The following ZBTB41 variants were observed in gnomAD, a reference collection of about 807,000 sequenced individuals.
The protein encoded by ZBTB41 is zinc finger and BTB domain-containing protein 41.
A neutral mutation model predicts 87.6 loss-of-function variants in ZBTB41; 42 were observed. The ratio of observed to expected loss-of-function variants is 0.48; its 90% CI spans 0.37 to 0.62. The LOEUF (loss-of-function observed/expected upper bound fraction) is 0.62. ZBTB41 is among the 20% of genes least tolerant of loss of function. The pLI, the probability that ZBTB41 is intolerant of heterozygous loss-of-function variation, is 0.00. For missense variants in ZBTB41, 799 were observed against 1,078.9 expected (o/e 0.74, Z 3.63); for synonymous variants, 364 against 364.0 (o/e 1.00, Z 0.00).
Position 197,188,343 on chromosome 1 carries a change from G to A in ZBTB41, c.1495C>T (p.His499Tyr), listed in dbSNP as rs1434246311. The change falls in exon 5 of 11, where the codon CAT (histidine) becomes TAT (tyrosine). Residue 499 changes from histidine (H) to tyrosine (Y), a missense_variant. His to Tyr is a moderately conservative substitution (Grantham distance 83). Coordinates refer to ENST00000367405, the MANE Select transcript of ZBTB41 (RefSeq NM_194314.3). ...AACCGAGCAAACCGTGATTTAAAAT[G>A]TTCTTCACAATAGGTACACTTAAAA... The part of the protein sequence containing the change: ...KPFKCTYCEE[H>Y]FKSRFARLKH... 1 of 1,613,782 alleles carries A rather than the reference G, an allele frequency of 6.2e-7. No individual in the cohort carries two copies. Among genetic ancestry groups the A allele is most frequent in the Non-Finnish European group, 8.5e-7 (1 of 1,179,890 alleles).
intron 10 of ZBTB41, among the ~76,000 whole-genome samples, chr1:197,168,337 G>A (rs1312694188): frequency 1.3e-5 from 2 of 152,062 alleles, no homozygotes; most frequent in Non-Finnish European, 2.9e-5. Flanking sequence ...CAGGTTCAAT[G>A]AAATTCCAAT....
At chr1:197,165,609 C>CAA (rs796901231) in intron 10 of ZBTB41, among the ~76,000 whole-genome samples, 2 of 125,380 alleles carry the variant, frequency 1.6e-5, no homozygotes, top group African/African-American at 6.0e-5. Flanking sequence ...GACTCTATCT[C>CAA]AAAAAAAAAA....
intron 10 of ZBTB41, among the ~76,000 whole-genome samples, chr1:197,168,342 T>C (rs1277897674): frequency 3.3e-5 from 5 of 152,080 alleles, no homozygotes; most frequent in African/African-American, 1.2e-4. Context: ...TCAATGAAAT[T>C]CCAATAATTC....
chr1:197,194,043 C>T (rs568345936), intron 2 of ZBTB41, among the ~76,000 whole-genome samples: 1 of 151,480 alleles, frequency 6.6e-6, no homozygotes, highest in African/African-American at 2.4e-5. Flanking sequence ...TTTTTTGAGA[C>T]GGAGTTTTGC....
At chr1:197,171,303 T>C (rs1557977796) in intron 10 of ZBTB41, among the ~76,000 whole-genome samples, 1 of 152,120 alleles carries the variant, frequency 6.6e-6, no homozygotes. Context: ...ACTTTGCTTT[T>C]AACAGCAGCA....
In ZBTB41 at chr1:197,191,756, G is replaced by T; in HGVS notation, c.1264C>A (p.His422Asn). Residue 422 changes from histidine (H) to asparagine (N), a missense_variant, in exon 3 of 11, where the codon CAC becomes AAC. Around this residue, in one of 5 missense-constraint regions of ZBTB41, gnomAD observed 294 missense variants for 340.1 expected, o/e 0.86. Transcript: ENST00000367405. ...AGTTTATTACAATAAGGGCACTTGT[G>T]CTCCTTCTTATGAAATTCTGTTTCA... ...SNETEFHKKE[H>N]KCPYCNKLHA... 1 of 1,613,686 alleles carries T rather than the reference G, an allele frequency of 6.2e-7. No individual in the cohort carries two copies. The highest frequency in any genetic ancestry group is 8.5e-7 in the Non-Finnish European group (1 of 1,179,838).
rs780728786 is a variant in ZBTB41 at position 197,175,129 on chromosome 1, C to T, written c.1880-14G>A. On this transcript the variant is annotated splice_polypyrimidine_tract_variant and intron_variant, in intron 8 of 10. Transcript: ENST00000367405. Reference sequence around the variant, plus strand: ...GAGCTTTTTCACCTTAAAATAAAGACCCAAATATTTTCATTATAATATACA... The same window carrying T: ...GAGCTTTTTCACCTTAAAATAAAGATCCAAATATTTTCATTATAATATACA... 8 of 1,601,014 alleles carry T rather than the reference C, an allele frequency of 5.0e-6. No individual in the cohort carries two copies. The African/African-American group carries it at 1.1e-4, about 22-fold the overall frequency.
chr1:197,174,939 C>A, intron 9 of ZBTB41, 71 bp downstream of exon 9: 1 of 1,269,428 alleles, frequency 7.9e-7, no homozygotes. Flanking sequence ...ACAAAGTAAA[C>A]AAAAAAAGTT....
chr1:197,160,730 C>G (rs965222937), intron 10 of ZBTB41, among the ~76,000 whole-genome samples: 12 of 152,100 alleles, frequency 7.9e-5, no homozygotes, highest in African/African-American at 2.9e-4. Flanking sequence ...TGTACACACT[C>G]TAGTCCCAGG....
At chr1:197,166,032 G>A (rs1659335664) in intron 10 of ZBTB41, among the ~76,000 whole-genome samples, 1 of 151,868 alleles carries the variant, frequency 6.6e-6, no homozygotes, top group Non-Finnish European at 1.5e-5. Context: ...ACACACTAAG[G>A]CCTGTTGGGG....
In ZBTB41 at chr1:197,190,956, G is replaced by A. The variant is rs551026582; in HGVS notation, c.1329-125C>T. ...GATTCCTTTCATAATGAGACAAGTA[G>A]GCATAGATGAGCTCTTTAAGAAGGT... is the stretch of plus-strand genomic sequence containing the variant. On this transcript the variant is annotated intron_variant, in intron 3 of 10. Coordinates refer to ENST00000367405, the MANE Select transcript of ZBTB41 (RefSeq NM_194314.3). 266 of 569,774 alleles carry A rather than the reference G, an allele frequency of 4.7e-4. 2 individuals carry two copies. In the South Asian group the frequency reaches 6.3e-3, roughly 14 times the overall value. 35.3% of individuals were successfully genotyped at this position (569,774 alleles called of 1,614,324 possible).
chr1:197,185,571 G>A (rs1337676015), intron 5 of ZBTB41, among the ~76,000 whole-genome samples: 5 of 150,652 alleles, frequency 3.3e-5, no homozygotes, highest in Non-Finnish European at 5.9e-5. Context: ...CACAGTTTAT[G>A]CCCACTGGCA....
chr1:197,191,547 G>A lies in ZBTB41; in HGVS notation c.1328+145C>T. On this transcript the variant is annotated intron_variant, in intron 3 of 10. Transcript: ENST00000367405. ...GACAGACTTGCCAAAACCCAAGAAAGAAAACAGGATAATCAAAATACTGTA... is the reference window on the plus strand; with the variant it reads ...GACAGACTTGCCAAAACCCAAGAAAAAAAACAGGATAATCAAAATACTGTA... 8 of 556,230 alleles carry A rather than the reference G, an allele frequency of 1.4e-5. No individual in the cohort carries two copies. The South Asian group carries it at 2.6e-4, about 18-fold the overall frequency. 34.5% of individuals were successfully genotyped at this position (556,230 alleles called of 1,614,324 possible). A position where few individuals can be genotyped will look rare whatever the true frequency, so the allele number is the denominator to read the frequency against.
chr1:197,193,240 T>TA (rs1660077547), intron 2 of ZBTB41, among the ~76,000 whole-genome samples: 2 of 152,042 alleles, frequency 1.3e-5, no homozygotes, highest in South Asian at 4.1e-4. Flanking sequence ...CAACAACACT[T>TA]AAAACATCCT....
rs1331208748 is a variant in ZBTB41, at chr1:197,200,092, G to C, written c.382C>G (p.Leu128Val). The change falls in exon 2 of 11, where the codon CTG becomes GTG. Residue 128 changes from leucine to valine, a missense_variant. By Grantham distance (32) the Leu-to-Val change is conservative. This residue lies in a region of ZBTB41 where 59 missense variants were observed against 120.1 expected (regional missense o/e 0.49). Coordinates refer to ENST00000367405, the MANE Select transcript of ZBTB41 (RefSeq NM_194314.3). ...AAAACTGAATGTGTTACGTGATCCA[G>C]GGTGACAACATCAGTGCTTGGATTT... Reference protein sequence around the residue: ...SKNPSTDVVTLDHVTHSVFQH... With the variant: ...SKNPSTDVVTVDHVTHSVFQH... 1.2e-6 allele frequency: 2 copies of C among 1,613,644 alleles called. No homozygotes were observed. The highest frequency in any genetic ancestry group is 3.3e-5 in the Admixed American group (2 of 59,958).
At position 197,159,221 on chromosome 1, in the gene ZBTB41, G is replaced by C. The variant is rs553095082; in HGVS notation, c.*138C>G. On this transcript the variant is annotated 3_prime_UTR_variant, in exon 11 of 11. Coordinates refer to ENST00000367405, the MANE Select transcript of ZBTB41 (RefSeq NM_194314.3). ...CATGTTCAGTAAACAGAGACACATA[G>C]TTTTCTTGATTTGAAACTGTTCTGA... 1.4e-5 allele frequency: 11 copies of C among 813,358 alleles called. No individual in the cohort carries two copies. The Admixed American group carries it at 3.1e-4, about 23-fold the overall frequency. 50.4% of individuals were successfully genotyped at this position (813,358 alleles called of 1,614,324 possible).
At chr1:197,184,062 A>G (rs1205356380) in intron 5 of ZBTB41, among the ~76,000 whole-genome samples, 3 of 152,240 alleles carry the variant, frequency 2.0e-5, no homozygotes, top group Non-Finnish European at 4.4e-5. Context: ...AGGTAGAACC[A>G]AAAAGATTAC....
intron 10 of ZBTB41, among the ~76,000 whole-genome samples, chr1:197,169,514 G>A (rs1199045426): frequency 6.6e-6 from 1 of 151,946 alleles, no homozygotes; most frequent in Non-Finnish European, 1.5e-5. Context: ...AATTTTTGGT[G>A]CTATTAATAT....
rs1472229566 is a variant in ZBTB41, at chr1:197,199,716, G to A, written c.758C>T (p.Ser253Leu). ...MLERSFSARRSKRNRKCPVKF... is the reference protein window; with the variant it reads ...MLERSFSARRLKRNRKCPVKF... Reference sequence around the variant, plus strand: ...AACAGGGCACTTCCGATTCCTTTTTGATCTTCTTGCGGAGAAACTTCTCTC... The same window carrying A: ...AACAGGGCACTTCCGATTCCTTTTTAATCTTCTTGCGGAGAAACTTCTCTC... The change falls in exon 2 of 11, where the codon TCA (serine) becomes TTA (leucine). Residue 253 changes from serine to leucine, a missense_variant. Ser to Leu is a moderately radical substitution (Grantham distance 145). Transcript: ENST00000367405. The A allele has an allele frequency of 1.2e-6, 2 of 1,613,036 alleles. No individual in the cohort carries two copies. The highest frequency in any genetic ancestry group is 2.7e-5 in the African/African-American group (2 of 74,806).
Sources: gnomAD v4.1 joint callset for allele counts (sites outside exome capture counted in the v4.1 genomes callset) on GRCh38, gnomAD v4.1.1 for gene constraint, gnomAD v4.1.1 regional missense constraint, MANE v1.5 for transcripts, NCBI Gene and HGNC (gene_info 2026-07-23, HGNC 2026-07-21) for gene names.